Variants in OPA1 observed in about 807,000 individuals in gnomAD.
OPA1 encodes dynamin-like GTPase OPA1, mitochondrial.
In OPA1, 59 loss-of-function variants were observed where a neutral mutation model predicts 152.9. The observed-to-expected ratio is 0.39, with a 90% CI of 0.31 to 0.48. OPA1 has a LOEUF of 0.48. Among genes scored for constraint, OPA1 ranks in the 20% least tolerant of loss-of-function variants. OPA1 has a pLI of 0.96. For synonymous variants in OPA1, 400 were observed against 389.9 expected, an observed-to-expected ratio of 1.03 and a Z score of -0.31; for missense variants, 1,008 against 1,216.8, an observed-to-expected ratio of 0.83 and a Z score of 2.55.
intron 29 of OPA1, among the ~76,000 whole-genome samples, chr3:193,690,007 A>G (rs909477972): frequency 2.7e-5 from 4 of 149,836 alleles, no homozygotes; most frequent in African/African-American, 9.8e-5. Flanking sequence ...ACTTTCTTAC[A>G]TTCACTGAAA....
In OPA1 at chr3:193,617,293, A is replaced by G; in HGVS notation, c.556+8A>G. 6.6e-7 allele frequency: 1 copy of G among 1,524,864 alleles called. No individual in the cohort carries two copies. The highest frequency in any genetic ancestry group is 1.1e-5 in the South Asian group (1 of 88,796). 94.5% of individuals were successfully genotyped at this position (1,524,864 alleles called of 1,614,324 possible). On this transcript the variant is annotated splice_region_variant and intron_variant, in intron 4 of 30. Coordinates refer to ENST00000361510, the MANE Select transcript of OPA1 (RefSeq NM_130837.3). The stretch of plus-strand genomic sequence containing the variant: ...AGGACTTTTTTACCTCAGGTAAGGA[A>G]GAAGCTGTTTGATCTAATTTAAAAA...
At chr3:193,627,874 G>A (rs538907413) in intron 7 of OPA1, among the ~76,000 whole-genome samples, 90 of 152,188 alleles carry the variant, frequency 5.9e-4, no homozygotes, top group Non-Finnish European at 1.1e-3. Context: ...GTAAATTAGA[G>A]ACTGGCAAGA....
chr3:193,625,973 C>T (rs1480667319), intron 6 of OPA1, 119 bp from the exon 7 acceptor site: 2 of 795,370 alleles, frequency 2.5e-6, no homozygotes, highest in Non-Finnish European at 4.5e-6. Flanking sequence ...AATGAGTTTC[C>T]ATTTCTGTTT....
chr3:193,629,926 A>G (rs1360596432), intron 7 of OPA1, among the ~76,000 whole-genome samples: 1 of 152,224 alleles, frequency 6.6e-6, no homozygotes, highest in Non-Finnish European at 1.5e-5. Context: ...AACAATTTAT[A>G]CTAATACAGT....
At chr3:193,620,027 C>T (rs1290178116) in intron 6 of OPA1, among the ~76,000 whole-genome samples, 1 of 151,932 alleles carries the variant, frequency 6.6e-6, no homozygotes, top group Non-Finnish European at 1.5e-5. Flanking sequence ...TTTGCATTGA[C>T]ATTATTTTAA....
chr3:193,669,677 A>C (rs1197263297), intron 29 of OPA1, among the ~76,000 whole-genome samples: 2 of 152,230 alleles, frequency 1.3e-5, no homozygotes, highest in Non-Finnish European at 2.9e-5. Flanking sequence ...TGATATAATT[A>C]TCAAGACAGT....
chr3:193,594,684 G>A (rs898119240), intron 1 of OPA1, among the ~76,000 whole-genome samples: 5 of 152,078 alleles, frequency 3.3e-5, no homozygotes, highest in Admixed American at 1.3e-4. Flanking sequence ...CACCGCGCCC[G>A]GCCCAATTTG....
chr3:193,685,976 C>A (rs1283451259), intron 29 of OPA1, among the ~76,000 whole-genome samples: 1 of 152,098 alleles, frequency 6.6e-6, no homozygotes, highest in Non-Finnish European at 1.5e-5. Context: ...ACAACATGTT[C>A]TCTGCTTTAT....
At chr3:193,614,003 A>G (rs745571435) in intron 1 of OPA1, 3 of 518,484 alleles carry the variant, frequency 5.8e-6, no homozygotes, top group South Asian at 4.2e-5. Context: ...GTATGCAACT[A>G]TGAGTGTATG....
intron 29 of OPA1, among the ~76,000 whole-genome samples, chr3:193,667,964 A>C (rs953297768): frequency 6.6e-6 from 1 of 152,148 alleles, no homozygotes; most frequent in East Asian, 1.9e-4. Context: ...GGAGACCTAG[A>C]AATTATATAT....
chr3:193,668,394 T>C, intron 29 of OPA1: 1 of 1,551,146 alleles, frequency 6.4e-7, no homozygotes, highest in East Asian at 2.4e-5. Flanking sequence ...TTGACACTTC[T>C]TTTACCTTGT....
At chr3:193,625,757 C>T (rs1242431927) in intron 6 of OPA1, among the ~76,000 whole-genome samples, 2 of 150,668 alleles carry the variant, frequency 1.3e-5, no homozygotes, top group East Asian at 3.9e-4. Flanking sequence ...AAAATTTAGA[C>T]CAGTAAGATC....
chr3:193,686,120 A>G (rs1469275144), intron 29 of OPA1, among the ~76,000 whole-genome samples: 1 of 152,254 alleles, frequency 6.6e-6, no homozygotes, highest in East Asian at 1.9e-4. Flanking sequence ...TTTGTCTACA[A>G]CAGTGCAGTT....
chr3:193,627,027 C>T (rs1029353825), intron 7 of OPA1, among the ~76,000 whole-genome samples: 8 of 152,166 alleles, frequency 5.3e-5, no homozygotes, highest in Admixed American at 5.2e-4. Flanking sequence ...ATCTTGAAAT[C>T]AGCTAATTAT....
At chr3:193,646,966 G>A in intron 18 of OPA1, 99 bp from the exon 19 acceptor site, 1 of 727,594 alleles carries the variant, frequency 1.4e-6, no homozygotes, top group Non-Finnish European at 2.4e-6. Context: ...TGAAAGGTAA[G>A]AGTGGCTGTT....
chr3:193,674,960 T>C (rs1171192263), intron 29 of OPA1, among the ~76,000 whole-genome samples: 1 of 152,220 alleles, frequency 6.6e-6, no homozygotes, highest in Non-Finnish European at 1.5e-5. Flanking sequence ...CATCCCCGAT[T>C]ACCGTGTACC....
At chr3:193,662,792 A>G (rs969072970) in intron 25 of OPA1, 30 bp from the exon 26 acceptor site, 1 of 1,602,160 alleles carries the variant, frequency 6.2e-7, no homozygotes, top group African/African-American at 1.3e-5. Context: ...TGAACCATCT[A>G]AACACAGTCC....
At chr3:193,672,828 C>T (rs1357851605) in intron 29 of OPA1, among the ~76,000 whole-genome samples, 18 of 149,008 alleles carry the variant, frequency 1.2e-4, no homozygotes, top group African/African-American at 4.5e-4. Context: ...AAGACTGTGC[C>T]ATTGCATTCC....
rs777338418 is a variant in OPA1, at chr3:193,617,779, C to T, written c.557-5C>T. 9.2e-5 allele frequency: 148 copies of T among 1,607,634 alleles called. No individual in the cohort carries two copies. Among genetic ancestry groups the T allele is most frequent in the Non-Finnish European group, 1.2e-4 (144 of 1,174,494 alleles). On this transcript the variant is annotated splice_polypyrimidine_tract_variant and splice_region_variant and intron_variant, in intron 4 of 30. Coordinates refer to ENST00000361510, the MANE Select transcript of OPA1 (RefSeq NM_130837.3). ...TCTATTTCCCCTTTTGCTGATTTTT[C>T]ACAGGTCACAAATTGGTTAGTGAAG...
Sources: allele counts gnomAD v4.1 joint callset (sites outside exome capture counted in the v4.1 genomes callset), GRCh38; gene constraint gnomAD v4.1.1; transcripts MANE v1.5; gene names NCBI Gene and HGNC (gene_info 2026-07-23, HGNC 2026-07-21).